Variants in MCTP1 observed in about 807,000 individuals in gnomAD.
MCTP1 encodes the protein multiple C2 and transmembrane domain containing 1, also known as multiple C2 and transmembrane domain-containing protein 1.
A neutral mutation model predicts 120.6 loss-of-function variants in MCTP1; 69 were observed. That is an observed-to-expected ratio of 0.57 (90% CI 0.47 to 0.70). The LOEUF (loss-of-function observed/expected upper bound fraction) is 0.70, where lower values mean the gene tolerates loss of function less well. Ranked by LOEUF, MCTP1 falls within the 30% of genes least tolerant of loss-of-function variation. MCTP1 has a pLI of 0.00. For synonymous variants in MCTP1, 529 were observed against 493.1 expected, an observed-to-expected ratio of 1.07 and a Z score of -0.96; for missense variants, 1,203 against 1,248.8, an observed-to-expected ratio of 0.96 and a Z score of 0.55.
rs191427178 is a variant in MCTP1 at position 95,220,401 on chromosome 5, G to A, written c.720+63455C>T. Among the ~76,000 whole-genome samples, 507 of 150,542 alleles carry A rather than the reference G, an allele frequency of 3.4e-3. 1 individual carries two copies. The highest frequency in any genetic ancestry group is 0.012 in the African/African-American group (489 of 41,046). Reference sequence around the variant, plus strand: ...TCTACAAGCATGTACAAACACTGACGGAATCATAATCTAAAAGGAAGAGAG... The same window carrying A: ...TCTACAAGCATGTACAAACACTGACAGAATCATAATCTAAAAGGAAGAGAG... On this transcript the variant is annotated intron_variant, in intron 1 of 22. Coordinates refer to ENST00000515393, the MANE Select transcript of MCTP1 (RefSeq NM_024717.7).
chr5:95,128,327 T>C lies in MCTP1; in HGVS notation c.721-110843A>G, dbSNP rs542818186. ...ATTACCATATGACCGAGCAATTATA[T>C]GTGCAAGAGAAATAAAAACATATGT... On this transcript the variant is annotated intron_variant, in intron 1 of 22. Transcript: ENST00000515393. Among the ~76,000 whole-genome samples the C allele has an allele frequency of 6.6e-5, 10 of 152,298 alleles. 1 individual carries two copies. The highest frequency in any genetic ancestry group is 4.1e-4 in the South Asian group (2 of 4,828).
intron 17 of MCTP1, among the ~76,000 whole-genome samples, chr5:94,816,830 A>G (rs1371879732): frequency 6.6e-6 from 1 of 152,176 alleles, no homozygotes; most frequent in African/African-American, 2.4e-5. Context: ...AATTCTAAAT[A>G]TATAAAGATT....
At chr5:94,805,992 C>G (rs1782185941) in intron 17 of MCTP1, among the ~76,000 whole-genome samples, 1 of 151,660 alleles carries the variant, frequency 6.6e-6, no homozygotes, top group Admixed American at 6.6e-5. Context: ...TCTAGGATAA[C>G]TACTCTTGCG....
intron 1 of MCTP1, among the ~76,000 whole-genome samples, chr5:95,202,999 G>T (rs1157608106): frequency 1.3e-5 from 2 of 152,150 alleles, no homozygotes; most frequent in African/African-American, 4.8e-5. Context: ...AAAGTGCTGG[G>T]ATTACAGGCA....
intron 17 of MCTP1, among the ~76,000 whole-genome samples, chr5:94,864,880 T>G (rs1796508450): frequency 6.6e-6 from 1 of 151,888 alleles, no homozygotes; most frequent in African/African-American, 2.4e-5. Context: ...TCCCCCATGT[T>G]GCACCCACTG....
chr5:95,081,254 G>A (rs181298799), intron 1 of MCTP1, among the ~76,000 whole-genome samples: 299 of 152,206 alleles, frequency 2.0e-3, no homozygotes, highest in African/African-American at 6.9e-3. Context: ...ATTACACTAT[G>A]TATCTCACAA....
chr5:95,189,439 C>A (rs1036654321), intron 1 of MCTP1, among the ~76,000 whole-genome samples: 1 of 152,104 alleles, frequency 6.6e-6, no homozygotes, highest in African/African-American at 2.4e-5. Flanking sequence ...ATTGTGTATG[C>A]AAATTATACC....
intron 2 of MCTP1, among the ~76,000 whole-genome samples, chr5:95,013,306 G>A (rs1836400517): frequency 6.6e-6 from 1 of 152,130 alleles, no homozygotes; most frequent in Admixed American, 6.6e-5. Flanking sequence ...GCTGCCACAA[G>A]TTATTCAGAA....
chr5:94,751,395 G>A (rs1768264975), intron 19 of MCTP1, among the ~76,000 whole-genome samples: 1 of 151,236 alleles, frequency 6.6e-6, no homozygotes, highest in African/African-American at 2.4e-5. Flanking sequence ...GAGAGAAGGG[G>A]CAAGGTGGGG....
chr5:95,242,103 A>G (rs1228644598), intron 1 of MCTP1, among the ~76,000 whole-genome samples: 2 of 152,200 alleles, frequency 1.3e-5, no homozygotes, highest in African/African-American at 4.8e-5. Context: ...CTCCTTATTC[A>G]TTTAAAACTA....
At chr5:95,153,576 A>C (rs1160797700) in intron 1 of MCTP1, among the ~76,000 whole-genome samples, 5 of 152,206 alleles carry the variant, frequency 3.3e-5, no homozygotes, top group African/African-American at 1.2e-4. Context: ...TGTGTTGACA[A>C]AGGTGGAGAA....
At chr5:94,754,878 T>A (rs903710578) in intron 19 of MCTP1, among the ~76,000 whole-genome samples, 1 of 152,202 alleles carries the variant, frequency 6.6e-6, no homozygotes, top group African/African-American at 2.4e-5. Context: ...ACTTGTCTCC[T>A]TCCCTTGCAA....
intron 6 of MCTP1, among the ~76,000 whole-genome samples, chr5:94,927,043 C>T (rs1287240105): frequency 6.6e-6 from 1 of 152,176 alleles, no homozygotes; most frequent in African/African-American, 2.4e-5. Flanking sequence ...CAGCAAATCC[C>T]TGTAGCTATG....
At chr5:94,760,759 G>A (rs1771142130) in intron 19 of MCTP1, among the ~76,000 whole-genome samples, 1 of 151,156 alleles carries the variant, frequency 6.6e-6, no homozygotes, top group Non-Finnish European at 1.5e-5. Flanking sequence ...ATCACAGCTC[G>A]CTGCAGCCTT....
At chr5:94,891,967 G>A (rs949016958) in intron 11 of MCTP1, among the ~76,000 whole-genome samples, 1 of 152,096 alleles carries the variant, frequency 6.6e-6, no homozygotes, top group African/African-American at 2.4e-5. Context: ...GATGGGAAAA[G>A]ATTGAAATGC....
intron 1 of MCTP1, among the ~76,000 whole-genome samples, chr5:95,043,849 G>A (rs929517038): frequency 1.3e-5 from 2 of 148,918 alleles, no homozygotes; most frequent in Non-Finnish European, 2.9e-5. Context: ...CTTGGCCTAC[G>A]GGGATGGAGC....
chr5:94,727,327 T>C (rs1211754297), intron 19 of MCTP1, among the ~76,000 whole-genome samples: 1 of 152,198 alleles, frequency 6.6e-6, no homozygotes, highest in Admixed American at 6.5e-5. Flanking sequence ...GCTGCACTTA[T>C]TATTTTTTTT....
intron 19 of MCTP1, among the ~76,000 whole-genome samples, chr5:94,743,631 A>ATTTT (rs34620641): frequency 3.1e-4 from 27 of 86,656 alleles, no homozygotes; most frequent in Admixed American, 9.3e-4. Context: ...CAAAATCCAC[A>ATTTT]TTTTTTTTTT....
intron 20 of MCTP1, among the ~76,000 whole-genome samples, chr5:94,711,187 T>C (rs1180097546): frequency 2.0e-5 from 3 of 152,102 alleles, no homozygotes; most frequent in African/African-American, 7.2e-5. Context: ...TTGTGCTACT[T>C]GGGTGACTCC....
Sources: allele counts gnomAD v4.1 joint callset (sites outside exome capture counted in the v4.1 genomes callset), GRCh38; gene constraint gnomAD v4.1.1; transcripts MANE v1.5; gene names NCBI Gene and HGNC (gene_info 2026-07-23, HGNC 2026-07-21).